Variants in KCNJ1 observed in about 807,000 individuals in gnomAD.
The protein encoded by KCNJ1 is ATP-sensitive inward rectifier potassium channel 1.
Under a neutral mutation model 21.9 loss-of-function variants are expected in KCNJ1, and 24 were observed. The ratio of observed to expected loss-of-function variants is 1.10; its 90% CI spans 0.79 to 1.54. KCNJ1 has a LOEUF of 1.54. Among genes scored for constraint, KCNJ1 ranks in the 40% most tolerant of loss-of-function variants. The probability of loss-of-function intolerance (pLI) is 0.00; values close to 1 mark genes in which losing one functional copy is unlikely to be tolerated. For synonymous variants in KCNJ1, 152 were observed against 160.9 expected (o/e 0.94, Z 0.42); for missense variants, 457 against 455.4 (o/e 1.00, Z -0.03).
chr11:128,840,694 A>G (rs2135941606), intron 2 of KCNJ1, among the ~76,000 whole-genome samples: 1 of 152,322 alleles, frequency 6.6e-6, no homozygotes, highest in East Asian at 1.9e-4. Context: ...TTGAAGCATT[A>G]TGTATGTTTT....
At position 128,850,752 on chromosome 11, in the gene KCNJ1, C is replaced by T. The variant is rs978924250; in HGVS notation, c.-53G>A. ...CAGAAGAGGTTCAGGAGATGATTTT[C>T]AAAACTTCATGTATAAGTAGATCTT... On this transcript the variant is annotated 5_prime_UTR_variant, in exon 2 of 3. The change abolishes the stop of an existing upstream ORF in the 5' untranslated region. Transcript: ENST00000392666. 4 of 985,316 alleles carry T rather than the reference C, an allele frequency of 4.1e-6. No individual in the cohort carries two copies. In the South Asian group the frequency reaches 1.9e-4, roughly 46 times the overall value. The allele number at this position is 985,316 out of a possible 1,614,324, so 61.0% of individuals were successfully genotyped here. A position where few individuals can be genotyped will look rare whatever the true frequency, so the allele number is the denominator to read the frequency against.
At chr11:128,845,029 G>A (rs535257212) in intron 2 of KCNJ1, among the ~76,000 whole-genome samples, 185 of 152,286 alleles carry the variant, frequency 1.2e-3, no homozygotes, top group Non-Finnish European at 1.9e-3. Flanking sequence ...TAACCGTGAT[G>A]GAGAAGAAAT....
At chr11:128,853,594 C>A (rs1943518070) in intron 1 of KCNJ1, among the ~76,000 whole-genome samples, 1 of 152,214 alleles carries the variant, frequency 6.6e-6, no homozygotes, top group African/African-American at 2.4e-5. Flanking sequence ...GGCTGTGCAA[C>A]TCTGTGAATA....
chr11:128,842,568 G>A (rs1380499604), intron 2 of KCNJ1: 31 of 1,493,720 alleles, frequency 2.1e-5, no homozygotes, highest in African/African-American at 1.1e-4. Flanking sequence ...TAGTGGAGTC[G>A]TGTGATTTAA....
intron 1 of KCNJ1, among the ~76,000 whole-genome samples, chr11:128,856,330 C>T (rs146811639): frequency 4.4e-4 from 67 of 152,346 alleles, no homozygotes; most frequent in Admixed American, 1.5e-3. Flanking sequence ...CTTCCAGACC[C>T]GGAGGCAACC....
At chr11:128,843,460 T>C (rs139121811) in intron 2 of KCNJ1, among the ~76,000 whole-genome samples, 3 of 152,356 alleles carry the variant, frequency 2.0e-5, no homozygotes, top group Admixed American at 2.0e-4. Flanking sequence ...ACTTTTTCTT[T>C]AGTGCCTCAG....
At chr11:128,860,404 C>A (rs1410642286) in intron 1 of KCNJ1, among the ~76,000 whole-genome samples, 1 of 152,182 alleles carries the variant, frequency 6.6e-6, no homozygotes, top group Non-Finnish European at 1.5e-5. Context: ...CGTGACACTG[C>A]ACAGGTTTCA....
intron 1 of KCNJ1, among the ~76,000 whole-genome samples, chr11:128,862,068 A>G (rs55692740): frequency 1.3e-5 from 2 of 152,074 alleles, no homozygotes; most frequent in Non-Finnish European, 1.5e-5. Context: ...CGCACCGCTC[A>G]TCTTGCTGCA....
chr11:128,843,894 G>A (rs928149201), intron 2 of KCNJ1, among the ~76,000 whole-genome samples: 2 of 152,176 alleles, frequency 1.3e-5, no homozygotes, highest in African/African-American at 4.8e-5. Context: ...TCCCATTTCA[G>A]CAGAGAGGGT....
At chr11:128,850,459 T>A (rs1943463374) in intron 2 of KCNJ1, among the ~76,000 whole-genome samples, 1 of 152,196 alleles carries the variant, frequency 6.6e-6, no homozygotes, top group African/African-American at 2.4e-5. Flanking sequence ...TCAACAGGTA[T>A]CTGTCAAGGA....
chr11:128,841,018 C>T (rs563337459), intron 2 of KCNJ1, among the ~76,000 whole-genome samples: 10 of 152,276 alleles, frequency 6.6e-5, no homozygotes, highest in Middle Eastern at 6.8e-3. Flanking sequence ...TATTTTCAGA[C>T]AAGTATTGGT....
intron 1 of KCNJ1, among the ~76,000 whole-genome samples, chr11:128,864,805 T>C (rs1943788167): frequency 6.6e-6 from 1 of 152,118 alleles, no homozygotes; most frequent in African/African-American, 2.4e-5. Context: ...CTGCAGCTGA[T>C]TGGCCACCAG....
chr11:128,851,140 A>G lies in KCNJ1; in HGVS notation c.-191-250T>C, dbSNP rs2301152. Among the ~76,000 whole-genome samples, 802 of 152,352 alleles carry G rather than the reference A, an allele frequency of 5.3e-3. 33 individuals are homozygous for G. In the East Asian group the frequency reaches 0.12, roughly 24 times the overall value. On this transcript the variant is annotated intron_variant, in intron 1 of 2. Coordinates refer to ENST00000392666, the MANE Select transcript of KCNJ1 (RefSeq NM_153766.3). ...TCTAGTGAATTTAGGATTGAAAAGTAAATTAACACAATGATCCACAGTCTT... is the reference window on the plus strand; with the variant it reads ...TCTAGTGAATTTAGGATTGAAAAGTGAATTAACACAATGATCCACAGTCTT...
intron 2 of KCNJ1, among the ~76,000 whole-genome samples, chr11:128,841,144 G>A (rs1387293818): frequency 6.6e-6 from 1 of 152,064 alleles, no homozygotes; most frequent in Non-Finnish European, 1.5e-5. Context: ...TCTCCCCACG[G>A]TTTCCCAAGA....
chr11:128,854,824 C>T (rs1187539715), intron 1 of KCNJ1, among the ~76,000 whole-genome samples: 1 of 152,182 alleles, frequency 6.6e-6, no homozygotes, highest in Admixed American at 6.5e-5. Context: ...CAGGGCCAAA[C>T]CTAGATCTTC....
At chr11:128,842,357 G>A (rs1468857103) in intron 2 of KCNJ1, 2 of 1,613,330 alleles carry the variant, frequency 1.2e-6, no homozygotes, top group Non-Finnish European at 1.7e-6. Context: ...TTTCCAGAGA[G>A]GTGATTTCCC....
chr11:128,847,586 A>T (rs1044832030), intron 2 of KCNJ1, among the ~76,000 whole-genome samples: 9 of 152,346 alleles, frequency 5.9e-5, no homozygotes, highest in Middle Eastern at 3.4e-3. Flanking sequence ...TATCTAGCTA[A>T]CTTGTTTCCC....
At chr11:128,853,939 G>A (rs1038315821) in intron 1 of KCNJ1, among the ~76,000 whole-genome samples, 1 of 152,216 alleles carries the variant, frequency 6.6e-6, no homozygotes, top group African/African-American at 2.4e-5. Flanking sequence ...TGCTAGTGTG[G>A]GAGATGTCTC....
intron 1 of KCNJ1, among the ~76,000 whole-genome samples, chr11:128,856,713 C>A (rs1200899059): frequency 1.3e-5 from 2 of 152,170 alleles, no homozygotes; most frequent in East Asian, 3.9e-4. Context: ...CCTTGATTCA[C>A]CCTTAATTCT....
Sources: allele counts gnomAD v4.1 joint callset (sites outside exome capture counted in the v4.1 genomes callset), GRCh38; gene constraint gnomAD v4.1.1; transcripts MANE v1.5; gene names NCBI Gene and HGNC (gene_info 2026-07-23, HGNC 2026-07-21).